The following CRYBG3 variants were observed in gnomAD, a reference collection of about 807,000 sequenced individuals.
The protein encoded by CRYBG3 is very large A-kinase anchor protein.
In CRYBG3, 127 loss-of-function variants were observed where a neutral mutation model predicts 244.2. The ratio of observed to expected loss-of-function variants is 0.52; its 90% CI spans 0.45 to 0.60. The LOEUF is 0.60. Among genes scored for constraint, CRYBG3 ranks in the 20% least tolerant of loss-of-function variants. The pLI is 0.00. For synonymous variants in CRYBG3, 1,132 were observed against 1,195.8 expected, an observed-to-expected ratio of 0.95 and a Z score of 1.10; for missense variants, 3,325 against 3,442.5, an observed-to-expected ratio of 0.97 and a Z score of 0.85.
At position 97,875,654 on chromosome 3, in the gene CRYBG3, A is replaced by G; in HGVS notation, c.4460A>G (p.His1487Arg). 4.1e-6 allele frequency: 5 copies of G among 1,234,382 alleles called. No individual in the cohort carries two copies. Among genetic ancestry groups the G allele is most frequent in the Non-Finnish European group, 5.1e-6 (5 of 989,718 alleles). The allele number at this position is 1,234,382 out of a possible 1,614,324, so 76.5% of individuals were successfully genotyped here. The change falls in exon 4 of 22, where the codon CAT becomes CGT. Residue 1487 changes from histidine (H) to arginine (R), a missense_variant. By Grantham distance (29) the His-to-Arg change is conservative. Coordinates refer to ENST00000389622, the MANE Select transcript of CRYBG3 (RefSeq NM_153605.4). Reference protein sequence around the residue: ...KWPPLVNDDIHAPGTSKSSLS... With the variant: ...KWPPLVNDDIRAPGTSKSSLS... ...CCTCCACTTGTGAATGATGACATCC[A>G]TGCACCTGGTACATCTAAAAGCAGT... is the stretch of plus-strand genomic sequence containing the variant.
rs7648786 is a variant in CRYBG3, at chr3:97,869,213, C to T, written c.648-2629C>T. 6.7e-3 allele frequency among the ~76,000 whole-genome samples: 1,021 copies of T among 151,836 alleles called. 12 individuals carry two copies. Among genetic ancestry groups the T allele is most frequent in the African/African-American group, 0.024 (987 of 41,422 alleles). On this transcript the variant is annotated intron_variant, in intron 3 of 21. Transcript: ENST00000389622. The stretch of plus-strand genomic sequence containing the variant: ...CATTGTTTTGTTTTATTTTTATATT[C>T]GCCATTCATTCATTCATTCATTCAT...
In CRYBG3 at chr3:97,864,369, G is replaced by C; in HGVS notation, c.369G>C (p.Gln123His). 6.5e-7 allele frequency: 1 copy of C among 1,535,820 alleles called. No homozygotes were observed. The highest frequency in any genetic ancestry group is 1.7e-4 in the Middle Eastern group (1 of 5,988). The change falls in exon 3 of 22, where the codon CAG becomes CAC. Residue 123 changes from glutamine to histidine, a missense_variant. Around this residue, in one of 4 missense-constraint regions of CRYBG3, gnomAD observed 1,526 missense variants for 1,443.2 expected, o/e 1.06. Coordinates refer to ENST00000389622, the MANE Select transcript of CRYBG3 (RefSeq NM_153605.4). Reference sequence around the variant, plus strand: ...GACAGCCAAAAGAAAGCTTTTTTCAGTTTCTTGGTAACTTATTCAATATCT... The same window carrying C: ...GACAGCCAAAAGAAAGCTTTTTTCACTTTCTTGGTAACTTATTCAATATCT... ...SDRQPKESFF[Q>H]FLGNLFNISG...
At chr3:97,854,887 A>G (rs544747671) in intron 2 of CRYBG3, among the ~76,000 whole-genome samples, 1 of 152,088 alleles carries the variant, frequency 6.6e-6, no homozygotes, top group Admixed American at 6.6e-5. Context: ...TTCCAGTACT[A>G]TATTGGATAA....
chr3:97,935,442 A>G (rs2040153180), intron 18 of CRYBG3, among the ~76,000 whole-genome samples: 1 of 151,958 alleles, frequency 6.6e-6, no homozygotes, highest in Non-Finnish European at 1.5e-5. Flanking sequence ...TCATCTCTCC[A>G]TAATTTGGTC....
At position 97,875,682 on chromosome 3, in the gene CRYBG3, G is replaced by T. The variant is rs2039362903; in HGVS notation, c.4488G>T (p.Leu1496Phe). The T allele has an allele frequency of 7.3e-6, 9 of 1,232,974 alleles. No homozygotes were observed. The highest frequency in any genetic ancestry group is 9.1e-6 in the Non-Finnish European group (9 of 988,824). 76.4% of individuals were successfully genotyped at this position (1,232,974 alleles called of 1,614,324 possible). A position where few individuals can be genotyped will look rare whatever the true frequency, so the allele number is the denominator to read the frequency against. ...IHAPGTSKSS[L>F]SDSLVCISEK... ...CACCTGGTACATCTAAAAGCAGTTT[G>T]TCTGATAGCCTTGTATGTATATCTG... The change falls in exon 4 of 22, where the codon TTG (leucine) becomes TTT (phenylalanine). Residue 1496 changes from leucine to phenylalanine, a missense_variant. Leu to Phe is a conservative substitution (Grantham distance 22, BLOSUM62 0). Coordinates refer to ENST00000389622, the MANE Select transcript of CRYBG3 (RefSeq NM_153605.4).
Position 97,874,208 on chromosome 3 carries a change from T to C in CRYBG3, c.3014T>C (p.Val1005Ala), listed in dbSNP as rs2039342362. The stretch of plus-strand genomic sequence containing the variant: ...TTCCAAGAAACTGGCAGCATGAAAG[T>C]AAATTCACCTTTTCTGGATTCTGAT... ...PKFQETGSMK[V>A]NSPFLDSDSS... Residue 1005 changes from valine (V) to alanine (A), a missense_variant, in exon 4 of 22, where the codon GTA becomes GCA. Coordinates refer to ENST00000389622, the MANE Select transcript of CRYBG3 (RefSeq NM_153605.4). 2 of 1,533,302 alleles carry C rather than the reference T, an allele frequency of 1.3e-6. No individual in the cohort carries two copies. Among genetic ancestry groups the C allele is most frequent in the Non-Finnish European group, 1.7e-6 (2 of 1,146,214 alleles). 95.0% of individuals were successfully genotyped at this position (1,533,302 alleles called of 1,614,324 possible). A position where few individuals can be genotyped will look rare whatever the true frequency, so the allele number is the denominator to read the frequency against.
chr3:97,940,731 T>C (rs1289427865), intron 19 of CRYBG3, among the ~76,000 whole-genome samples: 1 of 152,022 alleles, frequency 6.6e-6, no homozygotes, highest in Non-Finnish European at 1.5e-5. Context: ...TTATGGCATT[T>C]AGTCATAGCT....
At chr3:97,936,392 C>A (rs769698149) in intron 18 of CRYBG3, among the ~76,000 whole-genome samples, 1 of 151,796 alleles carries the variant, frequency 6.6e-6, no homozygotes, top group Non-Finnish European at 1.5e-5. Flanking sequence ...TTCACTGGAG[C>A]CACACTTAGA....
chr3:97,928,676 G>T (rs1197953508), intron 17 of CRYBG3, among the ~76,000 whole-genome samples: 1 of 152,032 alleles, frequency 6.6e-6, no homozygotes, highest in East Asian at 1.9e-4. Context: ...TGGCCTAAAA[G>T]GAAACACACC....
rs2108217989 is a variant in CRYBG3 at position 97,875,778 on chromosome 3, G to A, written c.4584G>A (p.Lys1528=). ...CAGATGTAGGGAAAGTACACAAGAA[G>A]GATAATGAAATAAATATAGGGAAAA... ...AMSDVGKVHK[K]DNEINIGKIE... The change falls in exon 4 of 22, where the codon AAG becomes AAA. Residue 1528 remains lysine (K), a synonymous_variant. Transcript: ENST00000389622. 3 of 1,231,614 alleles carry A rather than the reference G, an allele frequency of 2.4e-6. No homozygotes were observed. Among genetic ancestry groups the A allele is most frequent in the East Asian group, 6.3e-5 (2 of 31,662 alleles). The allele number at this position is 1,231,614 out of a possible 1,614,324, so 76.3% of individuals were successfully genotyped here. A position where few individuals can be genotyped will look rare whatever the true frequency, so the allele number is the denominator to read the frequency against.
At chr3:97,851,367 C>T (rs868753524) in intron 2 of CRYBG3, among the ~76,000 whole-genome samples, 1 of 152,012 alleles carries the variant, frequency 6.6e-6, no homozygotes, top group Non-Finnish European at 1.5e-5. Context: ...TTTTAGTTAC[C>T]GTTAATAACT....
chr3:97,927,693 AG>A (rs2040054375), intron 17 of CRYBG3, among the ~76,000 whole-genome samples: 1 of 151,976 alleles, frequency 6.6e-6, no homozygotes. Flanking sequence ...AGAATCTAAA[AG>A]GAACAAATCA....
In CRYBG3 at chr3:97,874,618, A is replaced by G; in HGVS notation, c.3424A>G (p.Thr1142Ala). 6.5e-7 allele frequency: 1 copy of G among 1,536,070 alleles called. No homozygotes were observed. The highest frequency in any genetic ancestry group is 8.7e-7 in the Non-Finnish European group (1 of 1,146,864). Reference protein sequence around the residue: ...YTGKISIDFPTAAQFDNLVEA... With the variant: ...YTGKISIDFPAAAQFDNLVEA... Reference sequence around the variant, plus strand: ...TGGGAAGATATCCATTGATTTCCCAACTGCTGCCCAATTTGACAATCTCGT... The same window carrying G: ...TGGGAAGATATCCATTGATTTCCCAGCTGCTGCCCAATTTGACAATCTCGT... Residue 1142 changes from threonine to alanine, a missense_variant, in exon 4 of 22, where the codon ACT (threonine) becomes GCT (alanine). Thr to Ala is a moderately conservative substitution (Grantham distance 58, BLOSUM62 0). Transcript: ENST00000389622.
intron 3 of CRYBG3, among the ~76,000 whole-genome samples, chr3:97,868,790 A>G (rs1217458151): frequency 6.6e-6 from 1 of 152,166 alleles, no homozygotes; most frequent in Admixed American, 6.5e-5. Context: ...GCATTGATGC[A>G]GGATAAAATG....
intron 1 of CRYBG3, among the ~76,000 whole-genome samples, chr3:97,838,516 G>A (rs1448623732): frequency 6.6e-6 from 1 of 152,048 alleles, no homozygotes; most frequent in Admixed American, 6.6e-5. Context: ...TGACAGTCGG[G>A]CCCAGAAATC....
At chr3:97,933,239 T>C (rs529055537) in intron 17 of CRYBG3, 1 of 396,224 alleles carries the variant, frequency 2.5e-6, no homozygotes, top group East Asian at 7.2e-5. Context: ...GCCTTTATTC[T>C]TCCTCCTAGG....
At chr3:97,840,755 C>T (rs549365656) in intron 1 of CRYBG3, 76 of 152,144 alleles carry the variant, frequency 5.0e-4, no homozygotes, top group African/African-American at 1.7e-3. Context: ...AACTAGGAGA[C>T]TAAAATTAGA....
At chr3:97,853,529 G>C (rs2039019823) in intron 2 of CRYBG3, among the ~76,000 whole-genome samples, 1 of 152,024 alleles carries the variant, frequency 6.6e-6, no homozygotes, top group Non-Finnish European at 1.5e-5. Context: ...GTGAGTGCAG[G>C]TGACTTTTTC....
intron 3 of CRYBG3, among the ~76,000 whole-genome samples, chr3:97,866,237 G>A (rs1473191989): frequency 6.6e-6 from 1 of 152,030 alleles, no homozygotes; most frequent in East Asian, 1.9e-4. Context: ...AGTACAAATT[G>A]GTAGCATTTT....
Sources: allele counts gnomAD v4.1 joint callset (sites outside exome capture counted in the v4.1 genomes callset), GRCh38; gene constraint gnomAD v4.1.1; regional missense constraint gnomAD v4.1.1; transcripts MANE v1.5; gene names NCBI Gene and HGNC (gene_info 2026-07-23, HGNC 2026-07-21).